The following POU2F1 variants were observed in gnomAD, a reference collection of about 807,000 sequenced individuals.
The protein encoded by POU2F1 is POU domain, class 2, transcription factor 1.
A neutral mutation model predicts 84.9 loss-of-function variants in POU2F1; 16 were observed. That is an observed-to-expected ratio of 0.19 (90% CI 0.13 to 0.29). The LOEUF is 0.29. Ranked by LOEUF, POU2F1 falls within the 10% of genes least tolerant of loss-of-function variation. The pLI, the probability that POU2F1 is intolerant of heterozygous loss-of-function variation, is 1.00. For synonymous variants in POU2F1, 368 were observed against 368.3 expected (o/e 1.00, Z 0.01); for missense variants, 738 against 942.6 (o/e 0.78, Z 2.84).
At chr1:167,351,891 T>G (rs1658608672) in intron 2 of POU2F1, among the ~76,000 whole-genome samples, 1 of 152,188 alleles carries the variant, frequency 6.6e-6, no homozygotes, top group Non-Finnish European at 1.5e-5. Context: ...ATTTTAAAAT[T>G]AATGTTCATA....
intron 1 of POU2F1, among the ~76,000 whole-genome samples, chr1:167,252,692 T>A (rs1180007650): frequency 6.6e-6 from 1 of 152,222 alleles, no homozygotes; most frequent in African/African-American, 2.4e-5. Flanking sequence ...AACCAAAGAA[T>A]GTTCATAACT....
At position 167,396,410 on chromosome 1, in the gene POU2F1, A is replaced by G. The variant is rs754208532; in HGVS notation, c.1112A>G (p.Lys371Arg). 11 of 1,614,036 alleles carry G rather than the reference A, an allele frequency of 6.8e-6. No individual in the cohort carries two copies. Among genetic ancestry groups the G allele is most frequent in the Non-Finnish European group, 9.3e-6 (11 of 1,179,932 alleles). Reference protein sequence around the residue: ...NMCKLKPLLEKWLNDAENLSS... With the variant: ...NMCKLKPLLERWLNDAENLSS... ...TGCAAGTTGAAGCCACTTTTAGAGA[A>G]GTGGCTAAATGATGCAGGTAAGTGA... The change falls in exon 10 of 16, where the codon AAG becomes AGG. Residue 371 changes from lysine (K) to arginine (R), a missense_variant. Lys to Arg is a conservative substitution (Grantham distance 26). Transcript: ENST00000367866.
intron 1 of POU2F1, among the ~76,000 whole-genome samples, chr1:167,290,425 G>T (rs1346142154): frequency 6.6e-6 from 1 of 152,192 alleles, no homozygotes; most frequent in Non-Finnish European, 1.5e-5. Context: ...AAAACCACAT[G>T]TTCTCTTTTG....
At chr1:167,340,870 G>A (rs971074376) in intron 2 of POU2F1, among the ~76,000 whole-genome samples, 25 of 152,166 alleles carry the variant, frequency 1.6e-4, no homozygotes, top group Non-Finnish European at 3.5e-4. Flanking sequence ...AAATTGAGAC[G>A]ATTCATGAGA....
intron 15 of POU2F1, among the ~76,000 whole-genome samples, chr1:167,413,857 A>C (rs1337812126): frequency 5.3e-5 from 8 of 152,076 alleles, no homozygotes; most frequent in Admixed American, 5.2e-4. Flanking sequence ...TTTTTCTTAA[A>C]ATAGTTTTGC....
At chr1:167,386,044 C>T (rs1465213348) in intron 8 of POU2F1, among the ~76,000 whole-genome samples, 1 of 152,138 alleles carries the variant, frequency 6.6e-6, no homozygotes, top group African/African-American at 2.4e-5. Context: ...AATGAAATAT[C>T]ACTACACAGT....
chr1:167,350,682 A>G (rs1452803669), intron 2 of POU2F1, among the ~76,000 whole-genome samples: 4 of 151,396 alleles, frequency 2.6e-5, no homozygotes, highest in African/African-American at 9.7e-5. Context: ...TCAAAAAAAA[A>G]AAAAAAAAGA....
At chr1:167,229,993 C>T (rs1648938384) in intron 1 of POU2F1, among the ~76,000 whole-genome samples, 2 of 152,172 alleles carry the variant, frequency 1.3e-5, no homozygotes, top group African/African-American at 2.4e-5. Flanking sequence ...CAAGGAAGTT[C>T]CCTTATTGTC....
intron 7 of POU2F1, among the ~76,000 whole-genome samples, chr1:167,378,846 G>T (rs1171846341): frequency 6.6e-6 from 1 of 151,774 alleles, no homozygotes; most frequent in Non-Finnish European, 1.5e-5. Flanking sequence ...TCTGCCTCGC[G>T]AGTTCAAGCG....
intron 1 of POU2F1, among the ~76,000 whole-genome samples, chr1:167,272,910 A>G (rs1052008216): frequency 4.6e-5 from 7 of 152,130 alleles, no homozygotes; most frequent in Non-Finnish European, 8.8e-5. Flanking sequence ...AAAGTCCACA[A>G]TCCAAAGTCT....
chr1:167,346,312 G>T (rs1315128729), intron 2 of POU2F1, among the ~76,000 whole-genome samples: 1 of 152,162 alleles, frequency 6.6e-6, no homozygotes, highest in Non-Finnish European at 1.5e-5. Context: ...TCTCTAAGGT[G>T]ATGTATAAAA....
intron 9 of POU2F1, among the ~76,000 whole-genome samples, chr1:167,391,652 C>T (rs1407821443): frequency 7.0e-6 from 1 of 143,872 alleles, no homozygotes; most frequent in East Asian, 2.1e-4. Context: ...TCACTGCAGC[C>T]TTGACCTCCA....
chr1:167,263,718 GCCCTCC>G (rs1250644738), intron 1 of POU2F1, among the ~76,000 whole-genome samples: 1 of 152,134 alleles, frequency 6.6e-6, no homozygotes, highest in Non-Finnish European at 1.5e-5. Flanking sequence ...AACAGTCAAG[GCCCTCC>G]CTCATTCATC....
intron 1 of POU2F1, among the ~76,000 whole-genome samples, chr1:167,262,618 C>G (rs1651656603): frequency 6.6e-6 from 1 of 152,098 alleles, no homozygotes; most frequent in Non-Finnish European, 1.5e-5. Context: ...TTGAGGAGAT[C>G]AAACATATGA....
intron 1 of POU2F1, among the ~76,000 whole-genome samples, chr1:167,227,042 T>TC (rs1434937076): frequency 6.6e-6 from 1 of 152,142 alleles, no homozygotes; most frequent in East Asian, 1.9e-4. Flanking sequence ...TACTGTGGCC[T>TC]CCCCAAGTGC....
At chr1:167,330,775 AAGTC>A (rs1657031999) in intron 1 of POU2F1, among the ~76,000 whole-genome samples, 1 of 152,120 alleles carries the variant, frequency 6.6e-6, no homozygotes, top group Non-Finnish European at 1.5e-5. Flanking sequence ...GAATTGTACA[AAGTC>A]AGGCTCATGA....
chr1:167,223,854 T>A (rs933311826), intron 1 of POU2F1, among the ~76,000 whole-genome samples: 1 of 152,210 alleles, frequency 6.6e-6, no homozygotes, highest in Non-Finnish European at 1.5e-5. Flanking sequence ...GCATATGTTT[T>A]TGCACCCGAT....
intron 1 of POU2F1, among the ~76,000 whole-genome samples, chr1:167,313,963 C>A (rs1655688126): frequency 6.6e-6 from 1 of 152,116 alleles, no homozygotes; most frequent in South Asian, 2.1e-4. Flanking sequence ...CTTTGGGAGG[C>A]TGAGGCAGGT....
rs936676350 is a variant in POU2F1, at chr1:167,421,050, A to G, written c.*5240A>G. On this transcript the variant is annotated 3_prime_UTR_variant, in exon 16 of 16. Coordinates refer to ENST00000367866, the MANE Select transcript of POU2F1 (RefSeq NM_002697.4). ...TCATAACTGATATGAGTTTGCTTTT[A>G]TGTGTGTGTGGAAAGCATTTAATGT... 1.3e-5 allele frequency: 2 copies of G among 152,158 alleles called. No homozygotes were observed. Among genetic ancestry groups the G allele is most frequent in the African/African-American group, 4.8e-5 (2 of 41,424 alleles). The allele number at this position is 152,158 out of a possible 1,614,324, so 9.4% of individuals were successfully genotyped here.
Sources: allele counts gnomAD v4.1 joint callset (sites outside exome capture counted in the v4.1 genomes callset), GRCh38; gene constraint gnomAD v4.1.1; transcripts MANE v1.5; gene names NCBI Gene and HGNC (gene_info 2026-07-23, HGNC 2026-07-21).